TTC23L: variants seen among roughly 807,000 people sequenced by gnomAD.
TTC23L encodes tetratricopeptide repeat protein 23-like.
TTC23L carries 42 observed loss-of-function variants against 48.1 expected under a neutral mutation model. The observed-to-expected ratio is 0.87, with a 90% confidence interval of 0.68 to 1.13. The LOEUF (loss-of-function observed/expected upper bound fraction) is 1.13, where lower values mean the gene tolerates loss of function less well. TTC23L is among the 50% of genes most tolerant of loss of function. The pLI is 0.00. For missense variants in TTC23L, 391 were observed against 421.0 expected (o/e 0.93, Z 0.62); for synonymous variants, 159 against 157.2 (o/e 1.01, Z -0.09).
intron 9 of TTC23L, among the ~76,000 whole-genome samples, chr5:34,895,083 T>C (rs1046447553): frequency 6.6e-6 from 1 of 152,230 alleles, no homozygotes; most frequent in South Asian, 2.1e-4. Context: ...CAGTACCTGA[T>C]TAAATACCTC....
chr5:34,922,706 G>A, the TTC23L span: 6 of 1,613,508 alleles, frequency 3.7e-6, no homozygotes, highest in African/African-American at 4.0e-5. Context: ...TCATACCCTC[G>A]CTGAACTGAA....
the TTC23L span, chr5:34,911,814 T>A: frequency 6.2e-7 from 1 of 1,613,956 alleles, no homozygotes; most frequent in Non-Finnish European, 8.5e-7. Context: ...TTAAAGTCCC[T>A]GCAATGGAAA....
chr5:34,870,890 T>C (rs1051794717), intron 8 of TTC23L, among the ~76,000 whole-genome samples: 1 of 152,226 alleles, frequency 6.6e-6, no homozygotes. Context: ...CTCATGATTT[T>C]ATCAGTTGTT....
chr5:34,869,770 G>A (rs1761320553), intron 8 of TTC23L: 1 of 152,154 alleles, frequency 6.6e-6, no homozygotes, highest in African/African-American at 2.4e-5. Flanking sequence ...CAGAATTATA[G>A]AGAAAGCTTT....
At chr5:34,847,346 A>G (rs779628925) in intron 3 of TTC23L, among the ~76,000 whole-genome samples, 2 of 151,666 alleles carry the variant, frequency 1.3e-5, no homozygotes, top group Non-Finnish European at 2.9e-5. Context: ...AGGCTTAAAA[A>G]CTCCTTGGCC....
At chr5:34,841,513 CTTGTT>C (rs1758671383) in intron 2 of TTC23L, among the ~76,000 whole-genome samples, 1 of 152,080 alleles carries the variant, frequency 6.6e-6, no homozygotes, top group African/African-American at 2.4e-5. Context: ...AGAATCCATT[CTTGTT>C]TTGTTTTGTT....
intron 8 of TTC23L, among the ~76,000 whole-genome samples, chr5:34,876,928 GTATACCTA>G (rs1452805056): frequency 1.5e-4 from 23 of 151,760 alleles, no homozygotes; most frequent in African/African-American, 5.6e-4. Context: ...CAAGGCATGT[GTATACCTA>G]GTAACAAACC....
the TTC23L span, chr5:34,922,267 A>G: frequency 6.3e-7 from 1 of 1,589,972 alleles, no homozygotes; most frequent in Non-Finnish European, 8.6e-7. Flanking sequence ...AAGCTAAGAA[A>G]AAACAGGATC....
intron 9 of TTC23L, among the ~76,000 whole-genome samples, chr5:34,895,916 A>G (rs1294933763): frequency 9.2e-5 from 14 of 152,216 alleles, no homozygotes; most frequent in Non-Finnish European, 1.5e-4. Flanking sequence ...ATTATTTATT[A>G]GTAAACATTC....
At chr5:34,901,252 T>G (rs1331346251), downstream of TTC23L, among the ~76,000 whole-genome samples, 1 of 152,202 alleles carries the variant, frequency 6.6e-6, no homozygotes, top group Non-Finnish European at 1.5e-5. Context: ...ATGTATTTAT[T>G]GAAAAAAATC....
intron 4 of TTC23L, chr5:34,861,586 T>TGG (rs1760659900): frequency 6.6e-6 from 1 of 152,260 alleles, no homozygotes; most frequent in Non-Finnish European, 1.5e-5. Flanking sequence ...GGGAAGACCA[T>TGG]GTTCCCTTTC....
At chr5:34,911,046 G>A in the TTC23L span, among the ~76,000 whole-genome samples, 597 of 152,268 alleles carry the variant, frequency 3.9e-3, 1 homozygote, top group Non-Finnish European at 6.5e-3. Context: ...ATGGTTTGCT[G>A]TTTCACATTT....
chr5:34,847,851 G>T (rs761629040), intron 3 of TTC23L, among the ~76,000 whole-genome samples: 2 of 152,184 alleles, frequency 1.3e-5, no homozygotes, highest in Non-Finnish European at 2.9e-5. Context: ...AAAACATGAA[G>T]TTGGGTAGGA....
the TTC23L span, chr5:34,907,689 T>C: frequency 6.6e-6 from 1 of 152,194 alleles, no homozygotes; most frequent in African/African-American, 2.4e-5. Flanking sequence ...CAAACAGTTT[T>C]GAGAAGAAGA....
At chr5:34,915,491 A>C in the TTC23L span, 44 of 401,258 alleles carry the variant, frequency 1.1e-4, no homozygotes, top group Middle Eastern at 6.9e-4. Context: ...GCTCCGAGGA[A>C]CCGCGGAGGA....
chr5:34,915,280 A>G, the TTC23L span: 3 of 277,068 alleles, frequency 1.1e-5, no homozygotes, highest in East Asian at 1.7e-4. Context: ...CCCGCCTCCA[A>G]CAAAACAGGC....
chr5:34,900,433 C>T (rs1268483998), downstream of TTC23L, among the ~76,000 whole-genome samples: 1 of 149,912 alleles, frequency 6.7e-6, no homozygotes, highest in Non-Finnish European at 1.5e-5. Flanking sequence ...CCCAGGAGGT[C>T]GAGGCTGCAG....
At chr5:34,875,782 C>T (rs986687729) in intron 8 of TTC23L, among the ~76,000 whole-genome samples, 1 of 152,100 alleles carries the variant, frequency 6.6e-6, no homozygotes, top group African/African-American at 2.4e-5. Flanking sequence ...CACCATCAAT[C>T]AACTTAATAA....
the TTC23L span, chr5:34,914,515 T>A: frequency 1.6e-6 from 1 of 644,630 alleles, no homozygotes; most frequent in East Asian, 2.8e-5. Context: ...AGAAAAAAAA[T>A]TCAAGTAATG....
Sources: gnomAD v4.1 joint callset for allele counts (sites outside exome capture counted in the v4.1 genomes callset) on GRCh38, gnomAD v4.1.1 for gene constraint, MANE v1.5 for transcripts, NCBI Gene and HGNC (gene_info 2026-07-23, HGNC 2026-07-21) for gene names.